POTEH: variants seen among roughly 807,000 people sequenced by gnomAD.
POTEH encodes ANKRD26-like family C member 3.
Under a neutral mutation model 41.7 loss-of-function variants are expected in POTEH, and 6 were observed. That is an observed-to-expected ratio of 0.14 (90% CI 0.08 to 0.28). POTEH has a LOEUF of 0.28. Ranked by LOEUF, POTEH falls within the 10% of genes least tolerant of loss-of-function variation. POTEH has a pLI of 1.00. For missense variants in POTEH, 115 were observed against 533.5 expected, an observed-to-expected ratio of 0.22 and a Z score of 7.73; for synonymous variants, 38 against 179.9, an observed-to-expected ratio of 0.21 and a Z score of 6.31.
rs1369556757 is a variant in POTEH, at chr22:15,717,173, C to T, written c.1521-2487C>T. Among the ~76,000 whole-genome samples, 2 of 90,854 alleles carry T rather than the reference C, an allele frequency of 2.2e-5. 1 individual carries two copies. Among genetic ancestry groups the T allele is most frequent in the Non-Finnish European group, 4.9e-5 (2 of 41,208 alleles). 59.6% of individuals were successfully genotyped at this position (90,854 alleles called of 152,430 possible). On this transcript the variant is annotated intron_variant, in intron 9 of 10. Coordinates refer to ENST00000343518, the MANE Select transcript of POTEH (RefSeq NM_001136213.1). ...GAGATATATATATTTTTATATATCT[C>T]CATTTTCTTTATTCCATTCATCAGT...
At chr22:15,717,225 T>C (rs1204344717) in intron 9 of POTEH, among the ~76,000 whole-genome samples, 1 of 92,422 alleles carries the variant, frequency 1.1e-5, no homozygotes, top group African/African-American at 3.3e-5. Flanking sequence ...ATTCCATATC[T>C]TTGCATATTG....
chr22:15,693,244 T>C (rs1229661166), intron 1 of POTEH, among the ~76,000 whole-genome samples: 1 of 148,346 alleles, frequency 6.7e-6, no homozygotes, highest in Non-Finnish European at 1.5e-5. Context: ...TTTCCTTTTA[T>C]CTGTGATTTC....
At chr22:15,691,988 A>ATG (rs1989328697) in intron 1 of POTEH, among the ~76,000 whole-genome samples, 1 of 12,636 alleles carries the variant, frequency 7.9e-5, no homozygotes, top group African/African-American at 4.3e-4. Flanking sequence ...GCAGATACAT[A>ATG]TATATATATA....
chr22:15,708,245 G>T (rs1395154936), intron 7 of POTEH, among the ~76,000 whole-genome samples, 155 bp downstream of exon 7: 1 of 58,162 alleles, frequency 1.7e-5, no homozygotes, highest in Non-Finnish European at 3.3e-5. Flanking sequence ...GGCTGGGGGG[G>T]TGGCTCATGC....
In POTEH at chr22:15,690,257, G is replaced by A. The variant is rs1989264037; in HGVS notation, c.180G>A (p.Lys60=). The A allele has an allele frequency of 7.1e-7, 1 of 1,411,620 alleles. No homozygotes were observed. The highest frequency in any genetic ancestry group is 1.6e-5 in the African/African-American group (1 of 63,384). The allele number at this position is 1,411,620 out of a possible 1,614,324, so 87.4% of individuals were successfully genotyped here. The change falls in exon 1 of 11, where the codon AAG becomes AAA. Residue 60 remains lysine, a synonymous_variant. Coordinates refer to ENST00000343518, the MANE Select transcript of POTEH (RefSeq NM_001136213.1). ...DDSAMKTLRS[K]MGKWCCHCFP... is the part of the protein sequence containing the mutation. ...CTGCTATGAAGACACTCAGGAGCAAGATGGGCAAGTGGTGCTGCCACTGCT... is the reference window on the plus strand; with the variant it reads ...CTGCTATGAAGACACTCAGGAGCAAAATGGGCAAGTGGTGCTGCCACTGCT...
At chr22:15,711,077 TGAATC>T in intron 9 of POTEH, 43 bp downstream of exon 9, 1 of 1,609,370 alleles carries the variant, frequency 6.2e-7, no homozygotes, top group South Asian at 1.1e-5. Flanking sequence ...CTCTATGCTG[TGAATC>T]TAATTCATGA....
intron 9 of POTEH, among the ~76,000 whole-genome samples, chr22:15,713,348 G>A (rs5992019): frequency 1.6e-3 from 242 of 149,090 alleles, no homozygotes; most frequent in Admixed American, 1.0e-2. Context: ...CCCTAACGGC[G>A]TCTTCACTTG....
chr22:15,705,381 TA>T (rs1989645886), intron 6 of POTEH, among the ~76,000 whole-genome samples: 1 of 143,638 alleles, frequency 7.0e-6, no homozygotes, highest in African/African-American at 2.6e-5. Flanking sequence ...TTTTTGGTGT[TA>T]TGCTTTTTTC....
intron 1 of POTEH, among the ~76,000 whole-genome samples, chr22:15,692,188 G>A (rs1374860887): frequency 2.2e-5 from 3 of 134,808 alleles, no homozygotes; most frequent in South Asian, 4.7e-4. Context: ...TGTATTTTTA[G>A]TAGAGATGGG....
chr22:15,690,719 C>T lies in POTEH; in HGVS notation c.632+10C>T, dbSNP rs1170722258. 2 of 1,403,678 alleles carry T rather than the reference C, an allele frequency of 1.4e-6. No homozygotes were observed. Among genetic ancestry groups the T allele is most frequent in the Non-Finnish European group, 2.0e-6 (2 of 1,012,824 alleles). The allele number at this position is 1,403,678 out of a possible 1,614,324, so 87.0% of individuals were successfully genotyped here. A position where few individuals can be genotyped will look rare whatever the true frequency, so the allele number is the denominator to read the frequency against. ...AGGACAAGCAAAAGAGGTAACCAGG[C>T]CTGGGCTGGGAGGAGGTGGGATGTG... On this transcript the variant is annotated intron_variant, in intron 1 of 10. Coordinates refer to ENST00000343518, the MANE Select transcript of POTEH (RefSeq NM_001136213.1).
intron 1 of POTEH, among the ~76,000 whole-genome samples, chr22:15,692,085 A>C (rs559066461): frequency 5.7e-4 from 77 of 134,172 alleles, no homozygotes; most frequent in African/African-American, 2.0e-3. Context: ...AGCTCACTGC[A>C]ACCTCTGCCT....
chr22:15,696,784 G>A (rs1298601811), intron 3 of POTEH, among the ~76,000 whole-genome samples: 1 of 113,908 alleles, frequency 8.8e-6, no homozygotes, highest in African/African-American at 3.0e-5. Flanking sequence ...AAATTATGTG[G>A]TGTTTTCAGC....
chr22:15,691,985 C>CATATAT lies in POTEH; in HGVS notation c.632+1294_632+1299dup, dbSNP rs142856307. ...AAGTGCCTATTTACATATGCAGATA[C>CATATAT]ATATATATATATATATATATATAAA... is the stretch of plus-strand genomic sequence containing the variant. On this transcript the variant is annotated intron_variant, in intron 1 of 10. Transcript: ENST00000343518. 6.3e-4 allele frequency among the ~76,000 whole-genome samples: 79 copies of CATATAT among 124,458 alleles called. 4 individuals carry two copies. Among genetic ancestry groups the CATATAT allele is most frequent in the Admixed American group, 1.3e-3 (15 of 11,378 alleles). The allele number at this position is 124,458 out of a possible 152,430, so 81.6% of individuals were successfully genotyped here.
At chr22:15,713,455 G>A (rs1210429735) in intron 9 of POTEH, among the ~76,000 whole-genome samples, 65 of 152,144 alleles carry the variant, frequency 4.3e-4, no homozygotes, top group South Asian at 1.0e-3. Context: ...TTCTCCTTTT[G>A]GACATTGCTG....
chr22:15,691,387 G>A lies in POTEH; in HGVS notation c.632+678G>A, dbSNP rs1288244208. Among the ~76,000 whole-genome samples, 8 of 127,454 alleles carry A rather than the reference G, an allele frequency of 6.3e-5. 1 individual carries two copies. Among genetic ancestry groups the A allele is most frequent in the East Asian group, 2.1e-4 (1 of 4,864 alleles). The allele number at this position is 127,454 out of a possible 152,430, so 83.6% of individuals were successfully genotyped here. On this transcript the variant is annotated intron_variant, in intron 1 of 10. Coordinates refer to ENST00000343518, the MANE Select transcript of POTEH (RefSeq NM_001136213.1). ...AAAATATAAAAAAAATTAGCTGGAC[G>A]CGGTGGCAGGCACCTGTAGTCCCAG...
chr22:15,699,295 T>C (rs1989511449), intron 4 of POTEH: 3 of 173,564 alleles, frequency 1.7e-5, no homozygotes, highest in African/African-American at 7.2e-5. Context: ...CTTTTTTCCT[T>C]TTTTATTTCC....
At chr22:15,691,046 G>A (rs1174549480) in intron 1 of POTEH, among the ~76,000 whole-genome samples, 2 of 143,442 alleles carry the variant, frequency 1.4e-5, no homozygotes, top group African/African-American at 5.0e-5. Context: ...TGTATATTGA[G>A]AACTAAGAAT....
intron 7 of POTEH, among the ~76,000 whole-genome samples, chr22:15,708,503 G>A (rs1187498696): frequency 5.3e-5 from 1 of 18,728 alleles, no homozygotes; most frequent in Non-Finnish European, 8.0e-5. Flanking sequence ...GACAAAGCAA[G>A]ACTCTGTGTC....
intron 7 of POTEH, among the ~76,000 whole-genome samples, 190 bp downstream of exon 7, chr22:15,708,280 C>A (rs1222834362): frequency 1.4e-5 from 1 of 70,028 alleles, no homozygotes; most frequent in Non-Finnish European, 2.7e-5. Context: ...CTTTGAGAGG[C>A]TGAGGTGGGC....
Sources: gnomAD v4.1 joint callset for allele counts (sites outside exome capture counted in the v4.1 genomes callset) on GRCh38, gnomAD v4.1.1 for gene constraint, MANE v1.5 for transcripts, NCBI Gene and HGNC (gene_info 2026-07-23, HGNC 2026-07-21) for gene names.